GULP1: variants seen among roughly 807,000 people sequenced by gnomAD.
GULP1 encodes the protein PTB domain-containing engulfment adapter protein 1.
A neutral mutation model predicts 40.9 loss-of-function variants in GULP1; 19 were observed. The ratio of observed to expected loss-of-function variants is 0.46; its 90% CI spans 0.32 to 0.68. The LOEUF is 0.68. GULP1 is among the 30% of genes least tolerant of loss of function. The probability of loss-of-function intolerance (pLI) is 0.03; values close to 1 mark genes in which losing one functional copy is unlikely to be tolerated. For synonymous variants in GULP1, 119 were observed against 117.6 expected (o/e 1.01, Z -0.08); for missense variants, 312 against 362.2 (o/e 0.86, Z 1.12).
At chr2:188,518,654 G>A (rs575591912) in intron 4 of GULP1, among the ~76,000 whole-genome samples, 1 of 152,278 alleles carries the variant, frequency 6.6e-6, no homozygotes, top group East Asian at 1.9e-4. Flanking sequence ...TGGAAGATGG[G>A]TCTCTGAGTT....
At chr2:188,379,690 A>G (rs1305349979) in intron 1 of GULP1, among the ~76,000 whole-genome samples, 1 of 152,234 alleles carries the variant, frequency 6.6e-6, no homozygotes, top group Non-Finnish European at 1.5e-5. Flanking sequence ...AAATGTTATA[A>G]CATGGCAGTC....
intron 7 of GULP1, among the ~76,000 whole-genome samples, chr2:188,568,414 T>C (rs531655500): frequency 2.6e-5 from 4 of 152,328 alleles, no homozygotes; most frequent in East Asian, 3.9e-4. Context: ...CAAGACATTA[T>C]GAATTCAGTG....
At chr2:188,491,010 C>G (rs1342909159) in intron 4 of GULP1, among the ~76,000 whole-genome samples, 2 of 151,942 alleles carry the variant, frequency 1.3e-5, no homozygotes, top group Middle Eastern at 3.2e-3. Context: ...TTGCTTATTG[C>G]TGGTCTTGAA....
At chr2:188,569,421 C>G (rs1698550711) in intron 8 of GULP1, 66 bp downstream of exon 8, 1 of 851,032 alleles carries the variant, frequency 1.2e-6, no homozygotes, top group Non-Finnish European at 2.0e-6. Flanking sequence ...TGCATATCGT[C>G]AAACAAATTT....
intron 1 of GULP1, among the ~76,000 whole-genome samples, chr2:188,348,141 A>C (rs951867072): frequency 2.0e-5 from 3 of 152,236 alleles, no homozygotes; most frequent in African/African-American, 4.8e-5. Context: ...CGTGTTATTC[A>C]AAATATTTAT....
chr2:188,360,267 T>C (rs1048348886), intron 1 of GULP1, among the ~76,000 whole-genome samples: 8 of 152,098 alleles, frequency 5.3e-5, no homozygotes, highest in African/African-American at 1.7e-4. Context: ...TCTGAACTGC[T>C]AATAATTTTC....
At chr2:188,298,785 G>A (rs914219698) in intron 1 of GULP1, among the ~76,000 whole-genome samples, 3 of 152,154 alleles carry the variant, frequency 2.0e-5, no homozygotes, top group African/African-American at 7.2e-5. Context: ...ATTTTCTAGA[G>A]TAGTACAGAT....
chr2:188,589,550 A>G (rs1042591756), intron 11 of GULP1: 1 of 380,908 alleles, frequency 2.6e-6, no homozygotes, highest in Non-Finnish European at 4.8e-6. Flanking sequence ...CAAAATTGGA[A>G]AAAAAATTAT....
intron 1 of GULP1, among the ~76,000 whole-genome samples, chr2:188,354,662 A>C (rs2045018604): frequency 6.6e-6 from 1 of 152,204 alleles, no homozygotes; most frequent in Non-Finnish European, 1.5e-5. Flanking sequence ...CTCCATGGCT[A>C]AGTCTCCCCA....
chr2:188,563,047 A>G (rs923295354), intron 7 of GULP1, among the ~76,000 whole-genome samples: 2 of 152,204 alleles, frequency 1.3e-5, no homozygotes, highest in African/African-American at 4.8e-5. Context: ...CATAGCTTTC[A>G]ATCTTTATGT....
chr2:188,498,666 C>T (rs1291554545), intron 4 of GULP1, among the ~76,000 whole-genome samples: 2 of 151,736 alleles, frequency 1.3e-5, no homozygotes, highest in South Asian at 4.1e-4. Context: ...TTCTATAGCA[C>T]TGTAGGATGA....
At chr2:188,569,995 C>T in intron 8 of GULP1, 33 bp from the exon 9 acceptor site, 1 of 810,154 alleles carries the variant, frequency 1.2e-6, no homozygotes, top group Non-Finnish European at 2.0e-6. Flanking sequence ...AAAAAAAAAA[C>T]AGAAAGTTAT....
intron 1 of GULP1, among the ~76,000 whole-genome samples, chr2:188,378,356 G>A (rs924701856): frequency 3.3e-5 from 5 of 151,836 alleles, no homozygotes; most frequent in Admixed American, 1.3e-4. Flanking sequence ...GGCATGTTAC[G>A]CCAATAGTAT....
At chr2:188,319,797 T>G (rs931778180) in intron 1 of GULP1, among the ~76,000 whole-genome samples, 1 of 152,164 alleles carries the variant, frequency 6.6e-6, no homozygotes, top group Non-Finnish European at 1.5e-5. Context: ...GATTTTTATT[T>G]TGTTGATTCA....
chr2:188,407,455 T>C (rs1290584581), intron 2 of GULP1, among the ~76,000 whole-genome samples: 2 of 152,144 alleles, frequency 1.3e-5, no homozygotes, highest in African/African-American at 4.8e-5. Flanking sequence ...ACAATAATTA[T>C]TTAAGGATTA....
chr2:188,325,943 T>G (rs1401632635), intron 1 of GULP1, among the ~76,000 whole-genome samples: 1 of 152,184 alleles, frequency 6.6e-6, no homozygotes. Flanking sequence ...GTACGCATTG[T>G]TGCAAGTGAT....
chr2:188,433,476 C>G (rs572107492), intron 2 of GULP1, among the ~76,000 whole-genome samples: 26 of 152,146 alleles, frequency 1.7e-4, no homozygotes, highest in Non-Finnish European at 3.4e-4. Context: ...ACATCTGAAT[C>G]AAAATTAGGA....
chr2:188,527,396 G>A (rs1171355831), intron 5 of GULP1, among the ~76,000 whole-genome samples: 1 of 152,096 alleles, frequency 6.6e-6, no homozygotes, highest in Non-Finnish European at 1.5e-5. Context: ...TTCACATAGG[G>A]GGAGAGCAGC....
intron 1 of GULP1, among the ~76,000 whole-genome samples, chr2:188,337,467 A>G (rs993954657): frequency 2.7e-5 from 4 of 149,416 alleles, no homozygotes; most frequent in African/African-American, 7.4e-5. Flanking sequence ...TCTAGAATGC[A>G]GGCATATGAC....
Sources: allele counts gnomAD v4.1 joint callset (sites outside exome capture counted in the v4.1 genomes callset), GRCh38; gene constraint gnomAD v4.1.1; transcripts MANE v1.5; gene names NCBI Gene and HGNC (gene_info 2026-07-23, HGNC 2026-07-21).